Variants in CANX observed in about 807,000 individuals in gnomAD.
CANX encodes the protein calnexin.
CANX carries 14 observed loss-of-function variants against 75.7 expected under a neutral mutation model. The ratio of observed to expected loss-of-function variants is 0.19; its 90% CI spans 0.12 to 0.29. CANX has a LOEUF of 0.29. Among genes scored for constraint, CANX ranks in the 10% least tolerant of loss-of-function variants. CANX has a pLI of 1.00. For missense variants in CANX, 567 were observed against 713.2 expected (o/e 0.79, Z 2.34); for synonymous variants, 227 against 236.9 (o/e 0.96, Z 0.38).
At chr5:179,712,655 C>A (rs1394335150) in intron 7 of CANX, among the ~76,000 whole-genome samples, 2 of 149,808 alleles carry the variant, frequency 1.3e-5, no homozygotes, top group East Asian at 3.9e-4. Flanking sequence ...AAACTCCCGA[C>A]GTCAGGTGAT....
chr5:179,712,831 C>A (rs1199018246), intron 7 of CANX, among the ~76,000 whole-genome samples: 4 of 151,970 alleles, frequency 2.6e-5, no homozygotes, highest in African/African-American at 9.7e-5. Context: ...TCAAGCGATT[C>A]TCTTGCCACA....
chr5:179,713,807 G>A (rs923789726), intron 7 of CANX, among the ~76,000 whole-genome samples: 2 of 152,038 alleles, frequency 1.3e-5, no homozygotes, highest in African/African-American at 4.8e-5. Context: ...CCAGGTGCTC[G>A]GGAGGCTGTG....
At chr5:179,720,342 C>A (rs1250480035) in intron 9 of CANX, 62 bp from the exon 10 acceptor site, 7 of 1,380,176 alleles carry the variant, frequency 5.1e-6, no homozygotes, top group Non-Finnish European at 6.1e-6. Flanking sequence ...CCTGGGCCAG[C>A]CAGCTGTTCA....
chr5:179,683,483 T>C (rs900683752), intron 1 of CANX, among the ~76,000 whole-genome samples: 12 of 151,956 alleles, frequency 7.9e-5, no homozygotes, highest in Non-Finnish European at 1.2e-4. Context: ...TAATTTGTTA[T>C]GTGAAATCAT....
upstream of CANX, chr5:179,694,098 C>G (rs943108815): frequency 6.2e-6 from 1 of 160,048 alleles, no homozygotes; most frequent in South Asian, 1.8e-4. Context: ...GAGCTGAGAT[C>G]CTGCCATTGC....
intron 1 of CANX, chr5:179,679,009 C>CA: frequency 6.5e-7 from 1 of 1,535,672 alleles, no homozygotes; most frequent in South Asian, 1.2e-5. Context: ...AGAAGGTGGA[C>CA]AGGGAGGGCA....
chr5:179,679,018 C>T, intron 1 of CANX: 2 of 1,535,452 alleles, frequency 1.3e-6, no homozygotes, highest in Non-Finnish European at 1.7e-6. Context: ...ACAGGGAGGG[C>T]ATGCGGCGCA....
rs1460542144 is a variant in CANX, at chr5:179,731,143, G to A, written c.*2499G>A. The stretch of plus-strand genomic sequence containing the variant: ...CTCTTCCTGCCCATGTGATTGCGGT[G>A]CAGTAGTTTCTGTTGTATAATAGTG... On this transcript the variant is annotated 3_prime_UTR_variant, in exon 15 of 15. Coordinates refer to ENST00000247461, the MANE Select transcript of CANX (RefSeq NM_001746.4). Among the ~76,000 whole-genome samples the A allele has an allele frequency of 2.0e-5, 3 of 152,192 alleles. No individual in the cohort carries two copies. Among genetic ancestry groups the A allele is most frequent in the African/African-American group, 4.8e-5 (2 of 41,438 alleles).
At chr5:179,693,368 T>C (rs571761892) in intron 1 of CANX, among the ~76,000 whole-genome samples, 1 of 68,200 alleles carries the variant, frequency 1.5e-5, no homozygotes. Context: ...AGTGAGACTC[T>C]ATCTCTACAA....
intron 5 of CANX, among the ~76,000 whole-genome samples, chr5:179,708,720 C>T (rs1261822314): frequency 6.6e-6 from 1 of 151,670 alleles, no homozygotes; most frequent in Non-Finnish European, 1.5e-5. Context: ...ACTGGTTACT[C>T]ATTTTCCTGA....
chr5:179,726,584 A>G lies in CANX; in HGVS notation c.1646-96A>G, dbSNP rs573306636. 3.4e-6 allele frequency: 3 copies of G among 879,654 alleles called. No homozygotes were observed. The South Asian group carries it at 5.0e-5, about 15-fold the overall frequency. The allele number at this position is 879,654 out of a possible 1,614,324, so 54.5% of individuals were successfully genotyped here. A position where few individuals can be genotyped will look rare whatever the true frequency, so the allele number is the denominator to read the frequency against. On this transcript the variant is annotated intron_variant, in intron 13 of 14. Coordinates refer to ENST00000247461, the MANE Select transcript of CANX (RefSeq NM_001746.4). ...GAGCAAGACTCTGTCTCCAAAAAAA[A>G]AAAAAAAAATTGTAGATCTAGAGAT...
intron 1 of CANX, 142 bp from the exon 2 acceptor site, chr5:179,705,533 CCTTT>C (rs1777069101): frequency 4.6e-6 from 3 of 653,768 alleles, no homozygotes; most frequent in Non-Finnish European, 7.9e-6. Context: ...CTCTAGGCTG[CCTTT>C]CTTTATCTAT....
chr5:179,692,931 G>C (rs1473075981), intron 1 of CANX, among the ~76,000 whole-genome samples: 2 of 152,052 alleles, frequency 1.3e-5, no homozygotes, highest in Non-Finnish European at 2.9e-5. Context: ...TGGATCACGA[G>C]GTCAGGAGTT....
chr5:179,726,802 G>T, intron 14 of CANX, 43 bp downstream of exon 14: 1 of 1,362,386 alleles, frequency 7.3e-7, no homozygotes, highest in Non-Finnish European at 1.0e-6. Flanking sequence ...CAAGCTGAAG[G>T]TACATTTATG....
At chr5:179,715,750 G>A (rs750432312) in intron 7 of CANX, 5 of 261,908 alleles carry the variant, frequency 1.9e-5, no homozygotes, top group South Asian at 7.4e-5. Flanking sequence ...GTAAGTCCAC[G>A]TATTTGTCTT....
intron 10 of CANX, 77 bp downstream of exon 10, chr5:179,720,637 T>A: frequency 7.4e-7 from 1 of 1,358,862 alleles, no homozygotes; most frequent in Non-Finnish European, 1.0e-6. Context: ...AGAGTAAGGC[T>A]GCCAGGTTGG....
chr5:179,709,625 G>C (rs1174648844), intron 6 of CANX: 2 of 286,880 alleles, frequency 7.0e-6, no homozygotes, highest in Non-Finnish European at 1.3e-5. Context: ...TTATTTCTTT[G>C]TTTTATGAGG....
At chr5:179,716,055 G>C (rs747015764) in intron 7 of CANX, 50 bp from the exon 8 acceptor site, 2 of 1,303,368 alleles carry the variant, frequency 1.5e-6, no homozygotes, top group Non-Finnish European at 1.1e-6. Context: ...TTATGGTAAA[G>C]GGAGCTTGGA....
intron 1 of CANX, among the ~76,000 whole-genome samples, chr5:179,692,847 T>C (rs185177558): frequency 1.4e-4 from 21 of 152,002 alleles, no homozygotes; most frequent in Admixed American, 1.3e-3. Context: ...CAAACCAGTA[T>C]GAAAAAGACA....
Sources: gnomAD v4.1 joint callset for allele counts (sites outside exome capture counted in the v4.1 genomes callset) on GRCh38, gnomAD v4.1.1 for gene constraint, MANE v1.5 for transcripts, NCBI Gene and HGNC (gene_info 2026-07-23, HGNC 2026-07-21) for gene names.